C4BPA: variants seen among roughly 807,000 people sequenced by gnomAD.
C4BPA encodes the protein C4b-binding protein alpha chain.
Under a neutral mutation model 63.7 loss-of-function variants are expected in C4BPA, and 31 were observed. That is an observed-to-expected ratio of 0.49 (90% confidence interval 0.37 to 0.66). C4BPA has a LOEUF of 0.66. C4BPA is among the 30% of genes least tolerant of loss of function. The probability of loss-of-function intolerance (pLI) is 0.00; values close to 1 mark genes in which losing one functional copy is unlikely to be tolerated. For synonymous variants in C4BPA, 259 were observed against 254.7 expected (o/e 1.02, Z -0.16); for missense variants, 572 against 723.3 (o/e 0.79, Z 2.40).
chr1:207,125,047 T>C (rs964786070), intron 6 of C4BPA, among the ~76,000 whole-genome samples: 2 of 151,680 alleles, frequency 1.3e-5, no homozygotes, highest in African/African-American at 4.9e-5. Flanking sequence ...TCAAAAGATA[T>C]GTTAGTTAGT....
intron 10 of C4BPA, among the ~76,000 whole-genome samples, chr1:207,142,976 C>T (rs1240816934): frequency 6.6e-6 from 1 of 152,124 alleles, no homozygotes; most frequent in African/African-American, 2.4e-5. Flanking sequence ...CCAGCAATCC[C>T]ATTACTGGGT....
At chr1:207,108,747 C>T (rs1040586000) in intron 1 of C4BPA, among the ~76,000 whole-genome samples, 1 of 151,980 alleles carries the variant, frequency 6.6e-6, no homozygotes, top group African/African-American at 2.4e-5. Context: ...ATTTTTGAGA[C>T]GGAGTCTCTC....
At chr1:207,126,103 T>C (rs944505945) in intron 6 of C4BPA, among the ~76,000 whole-genome samples, 32 of 152,072 alleles carry the variant, frequency 2.1e-4, no homozygotes, top group African/African-American at 7.5e-4. Context: ...CTTGGAAATA[T>C]GTTTCTGCTG....
chr1:207,139,435 GTTT>G (rs774453948), intron 9 of C4BPA, among the ~76,000 whole-genome samples: 3 of 152,076 alleles, frequency 2.0e-5, no homozygotes, highest in African/African-American at 7.2e-5. Flanking sequence ...TTGTGGTGGT[GTTT>G]TTTTCTTTAA....
chr1:207,122,544 G>A (rs952294478), intron 4 of C4BPA, among the ~76,000 whole-genome samples: 1 of 152,042 alleles, frequency 6.6e-6, no homozygotes, highest in African/African-American at 2.4e-5. Flanking sequence ...GTAGATTGAC[G>A]TATTGTTTTA....
At chr1:207,125,779 C>T (rs1363841803) in intron 6 of C4BPA, among the ~76,000 whole-genome samples, 1 of 152,132 alleles carries the variant, frequency 6.6e-6, no homozygotes, top group Non-Finnish European at 1.5e-5. Context: ...GTTATAGCAG[C>T]AGGAACAGAC....
rs201021672 is a variant in C4BPA at position 207,115,544 on chromosome 1, C to A, written c.428+29C>A. 13 of 1,185,944 alleles carry A rather than the reference C, an allele frequency of 1.1e-5. No homozygotes were observed. In the East Asian group the frequency reaches 2.9e-4, roughly 27 times the overall value. 73.5% of individuals were successfully genotyped at this position (1,185,944 alleles called of 1,614,324 possible). On this transcript the variant is annotated intron_variant, in intron 4 of 11. Transcript: ENST00000367070. ...AGTGTGAGGTAATCTATGAACAATT[C>A]TTTTATATTTATTTAAAAAATAGCT...
intron 9 of C4BPA, among the ~76,000 whole-genome samples, chr1:207,140,433 T>C (rs1213380426): frequency 6.6e-6 from 1 of 152,178 alleles, no homozygotes; most frequent in African/African-American, 2.4e-5. Context: ...AGGAGCATCT[T>C]ATTGTAGTAC....
chr1:207,113,035 C>G lies in C4BPA; in HGVS notation c.10C>G (p.Pro4Ala), dbSNP rs12072216. Residue 4 changes from proline (P) to alanine (A), a missense_variant, in exon 2 of 12, where the codon CCA (proline) becomes GCA (alanine). Pro to Ala is a conservative substitution (Grantham distance 27, BLOSUM62 -1). Around this residue, in one of 2 missense-constraint regions of C4BPA, gnomAD observed 107 missense variants for 93.9 expected, o/e 1.14. Transcript: ENST00000367070. MHP[P>A]KTPSGALHRK... ...AGCGAAGCAGCAGGCCATGCACCCC[C>G]CAAAAACTCCATCTGGGGCTCTTCA... 4.0e-3 allele frequency: 6,371 copies of G among 1,597,298 alleles called. 222 individuals are homozygous for G. The African/African-American group carries it at 0.078, about 20-fold the overall frequency.
intron 11 of C4BPA, 130 bp downstream of exon 11, chr1:207,144,123 C>T: frequency 3.1e-6 from 2 of 644,206 alleles, no homozygotes; most frequent in Non-Finnish European, 5.0e-6. Flanking sequence ...CACTCCCACT[C>T]AAAGAAACTC....
At chr1:207,112,610 C>G (rs1423332322) in intron 1 of C4BPA, among the ~76,000 whole-genome samples, 1 of 152,214 alleles carries the variant, frequency 6.6e-6, no homozygotes. Context: ...ATTTCCTAAA[C>G]TTGACGTTTA....
In C4BPA at chr1:207,106,904, G is replaced by GT. The variant is rs980510987; in HGVS notation, c.-26+2483dup. On this transcript the variant is annotated intron_variant, in intron 1 of 11. Transcript: ENST00000367070. ...GCGTGATAAAACTGACCTTGCAAAT[G>GT]TTTTTTTTTAACAAAGGAGTCACGG... Among the ~76,000 whole-genome samples, 70 of 151,666 alleles carry GT rather than the reference G, an allele frequency of 4.6e-4. 1 individual carries two copies. In the East Asian group the frequency reaches 9.7e-3, roughly 21 times the overall value.
chr1:207,143,135 C>G (rs940154515), intron 10 of C4BPA, among the ~76,000 whole-genome samples: 2 of 152,146 alleles, frequency 1.3e-5, no homozygotes, highest in Admixed American at 6.5e-5. Context: ...CACATATACA[C>G]CATGGAATAC....
chr1:207,137,228 G>T (rs894545290), intron 9 of C4BPA, among the ~76,000 whole-genome samples: 3 of 152,214 alleles, frequency 2.0e-5, no homozygotes, highest in Admixed American at 1.3e-4. Flanking sequence ...AGGGGTGGAG[G>T]TGATCTCTCA....
chr1:207,139,540 C>T lies in C4BPA; in HGVS notation c.1274-1566C>T, dbSNP rs72742948. On this transcript the variant is annotated intron_variant, in intron 9 of 11. Coordinates refer to ENST00000367070, the MANE Select transcript of C4BPA (RefSeq NM_000715.4). ...TTCCTGCATAAGATGGCTCTTACCC[C>T]GCAGGTCAAGAACCCAATATAGGGG... is the stretch of plus-strand genomic sequence containing the variant. 3.2e-3 allele frequency among the ~76,000 whole-genome samples: 490 copies of T among 152,126 alleles called. 1 individual carries two copies. The highest frequency in any genetic ancestry group is 6.0e-3 in the Non-Finnish European group (406 of 68,004).
intron 2 of C4BPA, 148 bp downstream of exon 2, chr1:207,113,315 G>C: frequency 1.2e-6 from 1 of 831,190 alleles, no homozygotes; most frequent in Non-Finnish European, 1.9e-6. Flanking sequence ...CTAGAACTTA[G>C]GGAAATTTGC....
chr1:207,117,898 CA>C (rs1361392297), intron 4 of C4BPA, among the ~76,000 whole-genome samples: 2 of 152,096 alleles, frequency 1.3e-5, no homozygotes, highest in Admixed American at 1.3e-4. Flanking sequence ...ATCTTTATGC[CA>C]AACTGGTCTA....
At chr1:207,117,197 C>T (rs1041714347) in intron 4 of C4BPA, among the ~76,000 whole-genome samples, 8 of 152,138 alleles carry the variant, frequency 5.3e-5, no homozygotes, top group African/African-American at 1.9e-4. Context: ...CACCTGTAAT[C>T]CCAGCACTTT....
chr1:207,129,005 T>C, intron 7 of C4BPA, among the ~76,000 whole-genome samples: 1 of 152,190 alleles, frequency 6.6e-6, no homozygotes, highest in East Asian at 1.9e-4. Flanking sequence ...GCAGCTATTA[T>C]AAATATGTCC....
Sources: gnomAD v4.1 joint callset for allele counts (sites outside exome capture counted in the v4.1 genomes callset) on GRCh38, gnomAD v4.1.1 for gene constraint, gnomAD v4.1.1 regional missense constraint, MANE v1.5 for transcripts, NCBI Gene and HGNC (gene_info 2026-07-23, HGNC 2026-07-21) for gene names.